Variants in LIN54 observed in about 807,000 individuals in gnomAD.
The protein encoded by LIN54 is lin-54 DREAM MuvB core complex component.
Under a neutral mutation model 78.7 loss-of-function variants are expected in LIN54, and 9 were observed. That is an observed-to-expected ratio of 0.11 (90% CI 0.07 to 0.20). LIN54 has a LOEUF of 0.20. LIN54 is among the 10% of genes least tolerant of loss of function. The probability of loss-of-function intolerance (pLI) is 1.00; values close to 1 mark genes in which losing one functional copy is unlikely to be tolerated. For missense variants in LIN54, 573 were observed against 889.9 expected (o/e 0.64, Z 4.53); for synonymous variants, 269 against 318.4 (o/e 0.84, Z 1.65).
At chr4:82,973,468 C>T (rs1294891521) in intron 3 of LIN54, among the ~76,000 whole-genome samples, 1 of 152,136 alleles carries the variant, frequency 6.6e-6, no homozygotes, top group Admixed American at 6.5e-5. Context: ...TTCAAGCAAG[C>T]ATGCAAGTTA....
At chr4:82,945,464 G>C (rs1448161995) in intron 5 of LIN54, among the ~76,000 whole-genome samples, 2 of 151,886 alleles carry the variant, frequency 1.3e-5, no homozygotes, top group Non-Finnish European at 2.9e-5. Context: ...ATCCTTTAGG[G>C]AAAATACAAC....
intron 8 of LIN54, 89 bp downstream of exon 8, chr4:82,938,324 A>G: frequency 2.6e-6 from 2 of 765,828 alleles, no homozygotes; most frequent in Admixed American, 2.2e-5. Flanking sequence ...GGGGAAAAAA[A>G]TAAAAGAGGA....
chr4:82,984,650 T>C lies in LIN54; in HGVS notation c.195A>G (p.Pro65=). Reference sequence around the variant, plus strand: ...TAGTGTGGTTACTGTACACTGTGATTGGTTCCGTGGAAATGGGCGTGGCTG... The same window carrying C: ...TAGTGTGGTTACTGTACACTGTGATCGGTTCCGTGGAAATGGGCGTGGCTG... The part of the protein sequence containing the change: ...DSTATPISTE[P]ITVYSNHTNQ... Residue 65 remains proline (P), a synonymous_variant, in exon 2 of 13, where the codon CCA becomes CCG. Transcript: ENST00000340417. 6.2e-7 allele frequency: 1 copy of C among 1,614,198 alleles called. No homozygotes were observed. Among genetic ancestry groups the C allele is most frequent in the Non-Finnish European group, 8.5e-7 (1 of 1,180,026 alleles).
At chr4:83,007,986 G>T (rs1157156187) in intron 1 of LIN54, among the ~76,000 whole-genome samples, 2 of 152,056 alleles carry the variant, frequency 1.3e-5, no homozygotes, top group African/African-American at 4.8e-5. Flanking sequence ...ATATCATGCA[G>T]ATTACACCTT....
chr4:82,940,376 A>C (rs1722748463), intron 5 of LIN54, among the ~76,000 whole-genome samples: 1 of 152,168 alleles, frequency 6.6e-6, no homozygotes, highest in Non-Finnish European at 1.5e-5. Flanking sequence ...AAACCAGAGA[A>C]TATATCATTC....
intron 1 of LIN54, among the ~76,000 whole-genome samples, chr4:83,008,865 T>C (rs1024912742): frequency 5.3e-5 from 8 of 152,048 alleles, no homozygotes; most frequent in East Asian, 1.9e-4. Context: ...AAAGAGACAA[T>C]AGCCCTCTGT....
At chr4:82,988,995 T>C (rs537591551) in intron 1 of LIN54, among the ~76,000 whole-genome samples, 1 of 152,240 alleles carries the variant, frequency 6.6e-6, no homozygotes, top group Admixed American at 6.5e-5. Context: ...GAGACCATCC[T>C]GTCTAACATG....
At chr4:82,953,238 C>A (rs532448057) in intron 4 of LIN54, among the ~76,000 whole-genome samples, 1 of 152,278 alleles carries the variant, frequency 6.6e-6, no homozygotes, top group Non-Finnish European at 1.5e-5. Flanking sequence ...ACCCTCCCAC[C>A]TCAGCTTCCC....
At chr4:82,981,963 G>T (rs921006259) in intron 2 of LIN54, among the ~76,000 whole-genome samples, 1 of 152,036 alleles carries the variant, frequency 6.6e-6, no homozygotes, top group South Asian at 2.1e-4. Flanking sequence ...GAGCTTGGGG[G>T]GTCAAGGCTG....
At chr4:82,933,271 A>G (rs1157300072) in intron 11 of LIN54, among the ~76,000 whole-genome samples, 1 of 150,524 alleles carries the variant, frequency 6.6e-6, no homozygotes, top group Non-Finnish European at 1.5e-5. Flanking sequence ...TTTAAAAATT[A>G]TCTTTATATT....
chr4:82,950,238 G>C (rs1723749851), intron 4 of LIN54, among the ~76,000 whole-genome samples: 1 of 152,010 alleles, frequency 6.6e-6, no homozygotes, highest in African/African-American at 2.4e-5. Context: ...ATCACTTGTA[G>C]AGATTCATGT....
rs970555655 is a variant in LIN54, at chr4:82,927,864, A to T, written c.*238T>A. The T allele has an allele frequency of 4.8e-6, 2 of 418,368 alleles. No homozygotes were observed. Among genetic ancestry groups the T allele is most frequent in the Non-Finnish European group, 8.4e-6 (2 of 236,962 alleles). 25.9% of individuals were successfully genotyped at this position (418,368 alleles called of 1,614,324 possible). ...AATTCTTAAGAAACCCAAGCAAATT[A>T]AAAAATCTATATAATAAAGAAAAAT... is the stretch of plus-strand genomic sequence containing the variant. On this transcript the variant is annotated 3_prime_UTR_variant, in exon 13 of 13. Transcript: ENST00000340417.
At chr4:82,991,715 C>A (rs777965967) in intron 1 of LIN54, among the ~76,000 whole-genome samples, 6 of 152,082 alleles carry the variant, frequency 3.9e-5, no homozygotes, top group Non-Finnish European at 7.4e-5. Context: ...ATGTTTAATT[C>A]TATCATATGC....
chr4:82,999,860 T>C (rs1560792695), intron 1 of LIN54, among the ~76,000 whole-genome samples: 1 of 150,666 alleles, frequency 6.6e-6, no homozygotes, highest in Non-Finnish European at 1.5e-5. Context: ...AAGAAAATCA[T>C]TGAGGAGAAT....
At chr4:82,944,483 G>T (rs929584342) in intron 5 of LIN54, among the ~76,000 whole-genome samples, 11 of 151,886 alleles carry the variant, frequency 7.2e-5, no homozygotes, top group African/African-American at 2.4e-4. Flanking sequence ...CAACAATATG[G>T]TTTTTTCATT....
intron 1 of LIN54, among the ~76,000 whole-genome samples, chr4:82,992,958 G>A (rs1467603374): frequency 2.0e-5 from 3 of 151,138 alleles, no homozygotes; most frequent in Non-Finnish European, 4.4e-5. Flanking sequence ...AACCCAGGAG[G>A]CGGAGCTTGC....
chr4:82,937,350 A>G lies in LIN54; in HGVS notation c.1533-52T>C, dbSNP rs544605339. 3.5e-6 allele frequency: 4 copies of G among 1,145,916 alleles called. No individual in the cohort carries two copies. In the African/African-American group the frequency reaches 6.5e-5, roughly 19 times the overall value. The allele number at this position is 1,145,916 out of a possible 1,614,324, so 71.0% of individuals were successfully genotyped here. Reference sequence around the variant, plus strand: ...ATTTAATCAATTAATAGTAACTAAAATTAATTTAGTTGCTACAACTAATTT... The same window carrying G: ...ATTTAATCAATTAATAGTAACTAAAGTTAATTTAGTTGCTACAACTAATTT... On this transcript the variant is annotated intron_variant, in intron 8 of 12. Transcript: ENST00000340417.
intron 4 of LIN54, among the ~76,000 whole-genome samples, chr4:82,961,457 G>T (rs995859236): frequency 6.6e-6 from 1 of 152,062 alleles, no homozygotes; most frequent in Non-Finnish European, 1.5e-5. Context: ...ATTCAAAATG[G>T]CTATGTGACG....
chr4:82,969,945 T>C (rs1725506796), intron 4 of LIN54, among the ~76,000 whole-genome samples: 1 of 6,570 alleles, frequency 1.5e-4, no homozygotes, highest in Admixed American at 4.6e-3. Context: ...AAAGTTCAGA[T>C]CTCCATTTTT....
Sources: gnomAD v4.1 joint callset for allele counts (sites outside exome capture counted in the v4.1 genomes callset) on GRCh38, gnomAD v4.1.1 for gene constraint, MANE v1.5 for transcripts, NCBI Gene and HGNC (gene_info 2026-07-23, HGNC 2026-07-21) for gene names.